Variants in NT5C2 observed in about 807,000 individuals in gnomAD.
The protein encoded by NT5C2 is cytosolic purine 5'-nucleotidase.
In NT5C2, 58 loss-of-function variants were observed where a neutral mutation model predicts 76.1. The observed-to-expected ratio is 0.76, with a 90% CI of 0.62 to 0.95. NT5C2 has a LOEUF of 0.95. Ranked by LOEUF, NT5C2 falls within the 40% of genes least tolerant of loss-of-function variation. NT5C2 has a pLI of 0.00. For synonymous variants in NT5C2, 229 were observed against 237.4 expected (o/e 0.96, Z 0.32); for missense variants, 478 against 690.3 (o/e 0.69, Z 3.45).
In NT5C2 at chr10:103,125,416, T is replaced by C. The variant is rs1006134118; in HGVS notation, c.175+13990A>G. On this transcript the variant is annotated intron_variant, in intron 4 of 18. Transcript: ENST00000404739. The stretch of plus-strand genomic sequence containing the variant: ...TCAGCCAAGTCGTTCATGTGCACCA[T>C]TGTGGTGGCGTGGAAAGATGATGGA... The C allele has an allele frequency of 2.2e-5, 6 of 272,718 alleles. No homozygotes were observed. In the South Asian group the frequency reaches 2.4e-4, roughly 11 times the overall value. The allele number at this position is 272,718 out of a possible 1,614,324, so 16.9% of individuals were successfully genotyped here. A position where few individuals can be genotyped will look rare whatever the true frequency, so the allele number is the denominator to read the frequency against.
Position 103,099,911 on chromosome 10 carries a change from A to G in NT5C2, c.633+15T>C. 6.5e-7 allele frequency: 1 copy of G among 1,540,872 alleles called. No homozygotes were observed. The highest frequency in any genetic ancestry group is 9.0e-7 in the Non-Finnish European group (1 of 1,114,622). ...TGCCAGAAAGCAAGCAGGTGAAGAA[A>G]CAGCTTCTAGGTACCTTGTAATGAA... On this transcript the variant is annotated intron_variant, in intron 9 of 18. Coordinates refer to ENST00000404739, the MANE Select transcript of NT5C2 (RefSeq NM_001351169.2).
chr10:103,101,180 A>T (rs1288695167), intron 7 of NT5C2, 55 bp downstream of exon 7: 25 of 1,409,344 alleles, frequency 1.8e-5, no homozygotes, highest in Non-Finnish European at 1.8e-5. Flanking sequence ...TTGAATACAG[A>T]CTAATGGTCA....
intron 4 of NT5C2, among the ~76,000 whole-genome samples, chr10:103,133,514 A>G (rs1163246): frequency 0.85 from 129,271 of 152,126 alleles, 55,405 homozygotes; most frequent in African/African-American, 0.96. Flanking sequence ...GCCCACTTCA[A>G]CCTCTCAAAG....
intron 3 of NT5C2, among the ~76,000 whole-genome samples, chr10:103,155,861 C>T (rs1411164755): frequency 6.6e-6 from 1 of 152,118 alleles, no homozygotes; most frequent in Middle Eastern, 3.2e-3. Context: ...AGGATTATAA[C>T]ATTATTTAAA....
chr10:103,181,439 T>C (rs968205542), intron 1 of NT5C2, 111 bp from the exon 2 acceptor site: 1 of 152,154 alleles, frequency 6.6e-6, no homozygotes. Context: ...CCAACAGCTC[T>C]AGGCAACTGC....
intron 3 of NT5C2, among the ~76,000 whole-genome samples, chr10:103,142,143 G>A (rs2080546983): frequency 6.6e-6 from 1 of 151,700 alleles, no homozygotes; most frequent in Admixed American, 6.6e-5. Flanking sequence ...GTTTTCCAGG[G>A]GGCAAGGATG....
At chr10:103,094,319 T>C (rs902880355) in intron 13 of NT5C2, 29 bp downstream of exon 13, 27 of 1,361,500 alleles carry the variant, frequency 2.0e-5, no homozygotes, top group Non-Finnish European at 2.4e-5. Context: ...GACAATGTGC[T>C]AGCAAGACAG....
chr10:103,112,559 T>C (rs2073290589), intron 4 of NT5C2, among the ~76,000 whole-genome samples: 1 of 152,204 alleles, frequency 6.6e-6, no homozygotes, highest in African/African-American at 2.4e-5. Flanking sequence ...AGATATGCAT[T>C]ATGTTTAACT....
intron 1 of NT5C2, among the ~76,000 whole-genome samples, chr10:103,193,032 T>G (rs1257732052): frequency 6.7e-6 from 1 of 149,050 alleles, no homozygotes; most frequent in Non-Finnish European, 1.5e-5. Flanking sequence ...ACCGAGGGAG[T>G]TGGGAGGCGT....
At chr10:103,129,074 TG>T (rs1226281105) in intron 4 of NT5C2, among the ~76,000 whole-genome samples, 3 of 101,412 alleles carry the variant, frequency 3.0e-5, no homozygotes, top group African/African-American at 1.2e-4. Context: ...GGGAGGGAGG[TG>T]GGGGGGTCAG....
In NT5C2 at chr10:103,189,506, T is replaced by A. The variant is rs925147440; in HGVS notation, c.-169+3730A>T. ...CTTTAGTCCTAGCTACTCGGTAGGCTGAGGCAGGAGAATCGCTTGAACCCA... is the reference window on the plus strand; with the variant it reads ...CTTTAGTCCTAGCTACTCGGTAGGCAGAGGCAGGAGAATCGCTTGAACCCA... On this transcript the variant is annotated intron_variant, in intron 1 of 18. Transcript: ENST00000404739. Among the ~76,000 whole-genome samples, 7 of 148,112 alleles carry A rather than the reference T, an allele frequency of 4.7e-5. No individual in the cohort carries two copies. In the Admixed American group the frequency reaches 4.8e-4, roughly 10 times the overall value.
chr10:103,126,685 T>C (rs1359714526), intron 4 of NT5C2, among the ~76,000 whole-genome samples: 1 of 152,198 alleles, frequency 6.6e-6, no homozygotes, highest in Non-Finnish European at 1.5e-5. Flanking sequence ...CTAACACATA[T>C]GATTCAGTAC....
intron 3 of NT5C2, chr10:103,146,256 T>TG (rs2081460177): frequency 9.1e-6 from 9 of 985,410 alleles, no homozygotes; most frequent in Non-Finnish European, 1.1e-5. Context: ...ATATCACTGT[T>TG]GCTCCACACA....
chr10:103,157,150 TGAAAAA>T (rs930817995), intron 3 of NT5C2, among the ~76,000 whole-genome samples: 1 of 150,176 alleles, frequency 6.7e-6, no homozygotes, highest in African/African-American at 2.4e-5. Flanking sequence ...ATCAATAGAA[TGAAAAA>T]GAAAAAAACA....
intron 4 of NT5C2, among the ~76,000 whole-genome samples, chr10:103,109,765 G>A (rs1054026204): frequency 2.6e-5 from 4 of 152,052 alleles, no homozygotes; most frequent in Non-Finnish European, 5.9e-5. Context: ...AGTGACTATC[G>A]AGTAAAACCT....
chr10:103,091,007 A>G lies in NT5C2; in HGVS notation c.1212-11T>C. The stretch of plus-strand genomic sequence containing the variant: ...CTGCTGTCAAGATGCCTAAAGATAA[A>G]AGAAAAACTCAGTGAAAATCTCTGG... On this transcript the variant is annotated splice_polypyrimidine_tract_variant and intron_variant, in intron 16 of 18. Transcript: ENST00000404739. The G allele has an allele frequency of 1.2e-6, 2 of 1,611,290 alleles. No homozygotes were observed. Among genetic ancestry groups the G allele is most frequent in the Non-Finnish European group, 1.7e-6 (2 of 1,178,630 alleles).
chr10:103,090,331 C>A (rs2066420551), intron 18 of NT5C2: 3 of 384,964 alleles, frequency 7.8e-6, no homozygotes, highest in Non-Finnish European at 1.4e-5. Context: ...AATCCTCCCA[C>A]CTCAGCCTCT....
At chr10:103,097,186 G>T in intron 11 of NT5C2, 105 bp downstream of exon 11, 1 of 846,572 alleles carries the variant, frequency 1.2e-6, no homozygotes, top group Non-Finnish European at 1.8e-6. Context: ...GAGAAGGCAA[G>T]AAACTATTTT....
Position 103,126,639 on chromosome 10 carries a change from C to CA in NT5C2, c.175+12766dup, listed in dbSNP as rs979819636. The stretch of plus-strand genomic sequence containing the variant: ...TCCGTCTAAAAAACTAAAAAACAAA[C>CA]AAAAAAACATAGTCCACTCTTGGCC... On this transcript the variant is annotated intron_variant, in intron 4 of 18. Coordinates refer to ENST00000404739, the MANE Select transcript of NT5C2 (RefSeq NM_001351169.2). 4.0e-4 allele frequency among the ~76,000 whole-genome samples: 61 copies of CA among 151,962 alleles called. 1 individual carries two copies. In the Middle Eastern group the frequency reaches 0.014, roughly 34 times the overall value.
Sources: gnomAD v4.1 joint callset for allele counts (sites outside exome capture counted in the v4.1 genomes callset) on GRCh38, gnomAD v4.1.1 for gene constraint, MANE v1.5 for transcripts, NCBI Gene and HGNC (gene_info 2026-07-23, HGNC 2026-07-21) for gene names.